The following TRRAP variants were observed in gnomAD, a reference collection of about 807,000 sequenced individuals.
The protein encoded by TRRAP is transformation/transcription domain-associated protein.
TRRAP carries 41 observed loss-of-function variants against 438.8 expected under a neutral mutation model. That is an observed-to-expected ratio of 0.09 (90% confidence interval 0.07 to 0.12). TRRAP has a LOEUF of 0.12. Among genes scored for constraint, TRRAP ranks in the 10% least tolerant of loss-of-function variants. The probability of loss-of-function intolerance (pLI) is 1.00; values close to 1 mark genes in which losing one functional copy is unlikely to be tolerated. For synonymous variants in TRRAP, 1,994 were observed against 1,962.9 expected, an observed-to-expected ratio of 1.02 and a Z score of -0.42; for missense variants, 3,122 against 5,055.1, an observed-to-expected ratio of 0.62 and a Z score of 11.60.
At chr7:98,897,640 CAA>C in intron 7 of TRRAP, 99 bp from the exon 8 acceptor site, 1 of 1,435,454 alleles carries the variant, frequency 7.0e-7, no homozygotes, top group Non-Finnish European at 9.3e-7. Context: ...TTTTTTCCAC[CAA>C]AGAGTCAAGC....
At chr7:98,971,686 G>A (rs1792426456) in intron 52 of TRRAP, 113 bp from the exon 53 acceptor site, 1 of 1,330,978 alleles carries the variant, frequency 7.5e-7, no homozygotes, top group South Asian at 1.5e-5. Context: ...ACACTTCCAG[G>A]AAACGAACAC....
intron 20 of TRRAP, 73 bp from the exon 21 acceptor site, chr7:98,921,680 T>C: frequency 6.3e-7 from 1 of 1,593,180 alleles, no homozygotes; most frequent in Non-Finnish European, 8.6e-7. Flanking sequence ...CTGGCCTCCC[T>C]TTTGAGTTTT....
rs546831947 is a variant in TRRAP, at chr7:98,927,874, TTGG to T, written c.3175+514_3175+516del. 7.4e-4 allele frequency among the ~76,000 whole-genome samples: 113 copies of T among 152,316 alleles called. No homozygotes were observed. In the South Asian group the frequency reaches 0.023, roughly 31 times the overall value. On this transcript the variant is annotated intron_variant, in intron 23 of 72. Coordinates refer to ENST00000456197, the MANE Select transcript of TRRAP (RefSeq NM_001375524.1). ...CTCCGTTTCAGTGGCTCTCACACTC[TTGG>T]TGGTGAAGGGCCACTTGTATTTGTT... is the stretch of plus-strand genomic sequence containing the variant.
rs782474197 is a variant in TRRAP, at chr7:98,950,912, A to G, written c.5371A>G (p.Ser1791Gly). ...TATCTTGAATCCTGCTTTCTTGTAC[A>G]GCTTTGAGAAGGGGGAAGGAGAGCA... is the stretch of plus-strand genomic sequence containing the variant. ...QHILNPAFLY[S>G]FEKGEGEQLL... The change falls in exon 39 of 73, where the codon AGC becomes GGC. Residue 1791 changes from serine to glycine, a missense_variant. Ser to Gly is a moderately conservative substitution (Grantham distance 56). Transcript: ENST00000456197. The G allele has an allele frequency of 4.4e-5, 70 of 1,594,062 alleles. No homozygotes were observed. Among genetic ancestry groups the G allele is most frequent in the Non-Finnish European group, 5.9e-5 (69 of 1,173,648 alleles).
At chr7:98,992,467 A>C (rs929053138) in intron 65 of TRRAP, among the ~76,000 whole-genome samples, 4 of 152,232 alleles carry the variant, frequency 2.6e-5, no homozygotes, top group African/African-American at 9.6e-5. Context: ...ATAGGTAGAG[A>C]AAATATGTGA....
At chr7:98,999,754 TG>T in intron 67 of TRRAP, 1 of 643,110 alleles carries the variant, frequency 1.6e-6, no homozygotes, top group Non-Finnish European at 2.8e-6. Flanking sequence ...GCTACTATTC[TG>T]GGGGCACTCA....
intron 3 of TRRAP, among the ~76,000 whole-genome samples, chr7:98,883,122 T>C (rs1325835001): frequency 6.6e-6 from 1 of 152,264 alleles, no homozygotes; most frequent in Non-Finnish European, 1.5e-5. Context: ...CATCCTACAA[T>C]TGTATATTGT....
chr7:98,991,118 C>G (rs1028789519), intron 64 of TRRAP, among the ~76,000 whole-genome samples: 1 of 152,150 alleles, frequency 6.6e-6, no homozygotes, highest in Non-Finnish European at 1.5e-5. Context: ...GCCGGGGAAG[C>G]GGACAGCCCA....
chr7:98,964,763 G>A lies in TRRAP; in HGVS notation c.6964G>A (p.Glu2322Lys), dbSNP rs1644352276. 1 of 1,612,734 alleles carries A rather than the reference G, an allele frequency of 6.2e-7. No homozygotes were observed. Among genetic ancestry groups the A allele is most frequent in the Non-Finnish European group, 8.5e-7 (1 of 1,179,492 alleles). ...CCCTCAGGCAGCGTCAGGAAGCACC[G>A]AAGCCACCTCAGGTGATGTGCTGGC... The part of the protein sequence containing the change: ...LNPQAASGST[E>K]ATSGTSELVM... The change falls in exon 48 of 73, where the codon GAA (glutamate) becomes AAA (lysine). Residue 2322 changes from glutamate to lysine, a missense_variant. Transcript: ENST00000456197.
rs186300971 is a variant in TRRAP, at chr7:98,994,616, G to A, written c.10077G>A (p.Ala3359=). 64 of 1,614,172 alleles carry A rather than the reference G, an allele frequency of 4.0e-5. 1 individual carries two copies. The African/African-American group carries it at 4.5e-4, about 11-fold the overall frequency. Residue 3359 remains alanine, a synonymous_variant, in exon 67 of 73, where the codon GCG becomes GCA. Coordinates refer to ENST00000456197, the MANE Select transcript of TRRAP (RefSeq NM_001375524.1). The surrounding 1 kb of genome is among the most constrained non-coding windows in gnomAD (Gnocchi z 4.8). ...TCAGGCAGCTCCAACAGGGCCTGGC[G>A]AAATGTTACTCCGTGGCGTTTGAGA... ...EVLRQLQQGL[A]KCYSVAFEKS...
chr7:98,971,988 G>A, intron 53 of TRRAP, 43 bp downstream of exon 53: 1 of 1,600,242 alleles, frequency 6.2e-7, no homozygotes, highest in Non-Finnish European at 8.5e-7. Flanking sequence ...TTCCTCCCAT[G>A]GACAGTTCAA....
chr7:98,978,931 C>T (rs765945527), intron 58 of TRRAP, 27 bp downstream of exon 58: 19 of 1,611,872 alleles, frequency 1.2e-5, no homozygotes, highest in Admixed American at 8.3e-5. Context: ...GCATCCCTGC[C>T]GCTGCCTGGG....
At chr7:98,884,227 A>G (rs1049412403) in intron 3 of TRRAP, among the ~76,000 whole-genome samples, 2 of 151,972 alleles carry the variant, frequency 1.3e-5, no homozygotes, top group African/African-American at 2.4e-5. Context: ...ATCTTCATTC[A>G]TCTTGCAATC....
At chr7:98,953,103 A>G in intron 39 of TRRAP, 64 bp from the exon 40 acceptor site, 2 of 1,554,462 alleles carry the variant, frequency 1.3e-6, no homozygotes, top group Admixed American at 1.8e-5. Context: ...AACCTGTCGT[A>G]TGACCCTCAG....
At chr7:98,902,628 C>T (rs888580284) in intron 11 of TRRAP, among the ~76,000 whole-genome samples, 13 of 151,970 alleles carry the variant, frequency 8.6e-5, no homozygotes, top group Non-Finnish European at 1.2e-4. Flanking sequence ...ATTAGGTACC[C>T]CTTGACATTT....
Position 99,011,469 on chromosome 7 carries a change from G to C in TRRAP, c.11271G>C (p.Gly3757=). ...PNISEFLTTI[G]VSGPLTASMI... is the part of the protein sequence containing the mutation. ...TTTCTGAGTTTCTGACCACCATCGG[G>C]GTCTCCGGCCCGTTGACAGCGTCCA... is the stretch of plus-strand genomic sequence containing the variant. The change falls in exon 72 of 73, where the codon GGG becomes GGC. Residue 3757 remains glycine, a synonymous_variant. Coordinates refer to ENST00000456197, the MANE Select transcript of TRRAP (RefSeq NM_001375524.1). The surrounding 1 kb of genome is among the most constrained non-coding windows in gnomAD (Gnocchi z 7.1). 6.2e-7 allele frequency: 1 copy of C among 1,614,262 alleles called. No individual in the cohort carries two copies. The highest frequency in any genetic ancestry group is 8.5e-7 in the Non-Finnish European group (1 of 1,180,050).
chr7:98,927,324 T>A lies in TRRAP; in HGVS notation c.3133T>A (p.Leu1045Met). ...CAGCGCCCTGCCCTTTGTCGCCAGC[T>A]TGATCCGCCACTATACGATGGTGGC... is the stretch of plus-strand genomic sequence containing the variant. ...RPSALPFVAS[L>M]IRHYTMVAVA... Residue 1045 changes from leucine to methionine, a missense_variant, in exon 23 of 73, where the codon TTG (leucine) becomes ATG (methionine). By Grantham distance (15) the Leu-to-Met change is conservative. Transcript: ENST00000456197. The A allele has an allele frequency of 6.2e-7, 1 of 1,614,150 alleles. No homozygotes were observed. The highest frequency in any genetic ancestry group is 1.1e-5 in the South Asian group (1 of 91,084).
intron 8 of TRRAP, 67 bp downstream of exon 8, chr7:98,897,933 A>ATT: frequency 6.3e-7 from 1 of 1,575,386 alleles, no homozygotes; most frequent in African/African-American, 1.4e-5. Context: ...CTGTTAAACC[A>ATT]TTTTTTTTTC....
chr7:98,963,247 G>T (rs560692887), intron 47 of TRRAP, among the ~76,000 whole-genome samples: 1 of 152,322 alleles, frequency 6.6e-6, no homozygotes, highest in African/African-American at 2.4e-5. Context: ...GGAGCTAGGA[G>T]AATTTGGTTA....
Sources: gnomAD v4.1 joint callset for allele counts (sites outside exome capture counted in the v4.1 genomes callset) on GRCh38, gnomAD v4.1.1 for gene constraint, Gnocchi (gnomAD v3.1) non-coding constraint, MANE v1.5 for transcripts, NCBI Gene and HGNC (gene_info 2026-07-23, HGNC 2026-07-21) for gene names.